Variants in ERG observed in about 807,000 individuals in gnomAD.
ERG encodes ETS transcription factor ERG.
In ERG, 9 loss-of-function variants were observed where a neutral mutation model predicts 55.3. That is an observed-to-expected ratio of 0.16 (90% CI 0.10 to 0.28). ERG has a LOEUF of 0.28. Among genes scored for constraint, ERG ranks in the 10% least tolerant of loss-of-function variants. The pLI, the probability that ERG is intolerant of heterozygous loss-of-function variation, is 1.00. For synonymous variants in ERG, 223 were observed against 237.3 expected (o/e 0.94, Z 0.55); for missense variants, 434 against 631.6 (o/e 0.69, Z 3.35).
At chr21:38,643,674 C>T (rs976444463) in intron 1 of ERG, among the ~76,000 whole-genome samples, 1 of 152,164 alleles carries the variant, frequency 6.6e-6, no homozygotes, top group Non-Finnish European at 1.5e-5. Context: ...TCCGCCCCAC[C>T]GGGAATGCAT....
At chr21:38,620,169 C>A (rs1489229383) in intron 1 of ERG, among the ~76,000 whole-genome samples, 1 of 152,226 alleles carries the variant, frequency 6.6e-6, no homozygotes, top group African/African-American at 2.4e-5. Flanking sequence ...TCAGCATAAG[C>A]TAGTGCCTTC....
At chr21:38,550,726 T>A (rs1241629610) in intron 2 of ERG, among the ~76,000 whole-genome samples, 2 of 152,194 alleles carry the variant, frequency 1.3e-5, no homozygotes, top group African/African-American at 4.8e-5. Flanking sequence ...GCCTATTATG[T>A]ATGAGCAGGT....
At chr21:38,590,633 C>A (rs2060094738) in intron 1 of ERG, among the ~76,000 whole-genome samples, 1 of 150,878 alleles carries the variant, frequency 6.6e-6, no homozygotes, top group Non-Finnish European at 1.5e-5. Context: ...TCTATCCATC[C>A]ATGTATTCAT....
At chr21:38,575,297 A>T (rs1009960056) in intron 2 of ERG, among the ~76,000 whole-genome samples, 12 of 152,014 alleles carry the variant, frequency 7.9e-5, no homozygotes, top group Admixed American at 1.3e-4. Context: ...ACTCAGCAAA[A>T]TTTTTTCTGA....
intron 1 of ERG, among the ~76,000 whole-genome samples, chr21:38,630,007 A>G (rs1431699337): frequency 6.6e-6 from 1 of 152,202 alleles, no homozygotes; most frequent in Non-Finnish European, 1.5e-5. Flanking sequence ...CAGTCACAAA[A>G]GAACAAATAT....
intron 1 of ERG, among the ~76,000 whole-genome samples, chr21:38,627,356 CT>C (rs1332451645): frequency 3.0e-4 from 45 of 152,238 alleles, no homozygotes; most frequent in African/African-American, 1.0e-3. Flanking sequence ...TTGAGTACCA[CT>C]TTTTAATAAT....
upstream of ERG, among the ~76,000 whole-genome samples, chr21:38,502,201 C>A (rs1296248966): frequency 6.6e-6 from 1 of 152,240 alleles, no homozygotes; most frequent in East Asian, 1.9e-4. Context: ...CAATGGAACG[C>A]CCTTCCTCCT....
chr21:38,398,889 A>AT (rs1366580042), intron 6 of ERG, among the ~76,000 whole-genome samples: 2 of 152,238 alleles, frequency 1.3e-5, no homozygotes, highest in Non-Finnish European at 2.9e-5. Context: ...CACCTATGAG[A>AT]TGTCTTAACA....
intron 1 of ERG, among the ~76,000 whole-genome samples, chr21:38,493,899 C>A (rs1490830932): frequency 1.3e-5 from 2 of 152,226 alleles, no homozygotes; most frequent in African/African-American, 4.8e-5. Context: ...GTGGGCTTCA[C>A]AGCTGAAGCT....
At chr21:38,488,827 A>G (rs562076445) in intron 1 of ERG, among the ~76,000 whole-genome samples, 2 of 152,252 alleles carry the variant, frequency 1.3e-5, no homozygotes, top group African/African-American at 4.8e-5. Flanking sequence ...CATGTTACTC[A>G]TAGACAAGTC....
chr21:38,454,576 T>G (rs550150959), intron 1 of ERG, among the ~76,000 whole-genome samples: 2 of 152,334 alleles, frequency 1.3e-5, no homozygotes, highest in Non-Finnish European at 2.9e-5. Context: ...GCCGAGCAGC[T>G]CTCTCCCAGG....
chr21:38,399,594 C>A (rs918969963), intron 6 of ERG, among the ~76,000 whole-genome samples: 1 of 152,206 alleles, frequency 6.6e-6, no homozygotes, highest in East Asian at 1.9e-4. Flanking sequence ...AGGGAGAGGA[C>A]AAATGCTAAA....
intron 4 of ERG, 75 bp from the exon 5 acceptor site, chr21:38,402,712 C>CAA (rs759434219): frequency 0.04 from 6,618 of 164,438 alleles, 162 homozygotes; most frequent in Non-Finnish European, 0.051. Context: ...ACCTTTCTTA[C>CAA]AAAAAAAAAA....
chr21:38,486,715 A>G (rs1019908138), intron 1 of ERG, among the ~76,000 whole-genome samples: 4 of 152,154 alleles, frequency 2.6e-5, no homozygotes, highest in Non-Finnish European at 5.9e-5. Context: ...CATTATTATT[A>G]TTGTTGTTAT....
At chr21:38,566,723 T>C (rs1306969455) in intron 2 of ERG, among the ~76,000 whole-genome samples, 1 of 152,162 alleles carries the variant, frequency 6.6e-6, no homozygotes, top group Non-Finnish European at 1.5e-5. Flanking sequence ...ACAAAAAACA[T>C]GGTTCCTTTT....
Position 38,429,382 on chromosome 21 carries a change from T to TATA in ERG, c.237-5824_237-5822dup, listed in dbSNP as rs925541866. Among the ~76,000 whole-genome samples the TATA allele has an allele frequency of 6.6e-5, 3 of 45,114 alleles. 1 individual carries two copies. The highest frequency in any genetic ancestry group is 3.4e-3 in the South Asian group (2 of 590). The allele number at this position is 45,114 out of a possible 152,430, so 29.6% of individuals were successfully genotyped here. On this transcript the variant is annotated intron_variant, in intron 2 of 9. Coordinates refer to ENST00000288319, the MANE Select transcript of ERG (RefSeq NM_182918.4). Reference sequence around the variant, plus strand: ...TATATAATATGTACACATATACATATATATGTACACATATACACATGTACA... The same window carrying TATA: ...TATATAATATGTACACATATACATATATAATATGTACACATATACACATGTACA...
At chr21:38,416,079 A>G (rs996460928) in intron 3 of ERG, among the ~76,000 whole-genome samples, 1 of 152,202 alleles carries the variant, frequency 6.6e-6, no homozygotes, top group Non-Finnish European at 1.5e-5. Flanking sequence ...GGGAATGTCA[A>G]TATTTAGGGA....
intron 2 of ERG, among the ~76,000 whole-genome samples, chr21:38,539,812 T>C (rs1283968493): frequency 1.3e-5 from 2 of 151,852 alleles, no homozygotes; most frequent in African/African-American, 2.4e-5. Flanking sequence ...TGACCCCAGG[T>C]TGGCGTCTTG....
At chr21:38,630,547 C>A (rs1235940468) in intron 1 of ERG, among the ~76,000 whole-genome samples, 1 of 152,196 alleles carries the variant, frequency 6.6e-6, no homozygotes, top group Non-Finnish European at 1.5e-5. Flanking sequence ...CACAGTCCTT[C>A]CATTCTATTG....
Sources: allele counts gnomAD v4.1 joint callset (sites outside exome capture counted in the v4.1 genomes callset), GRCh38; gene constraint gnomAD v4.1.1; transcripts MANE v1.5; gene names NCBI Gene and HGNC (gene_info 2026-07-23, HGNC 2026-07-21).